LTF: variants seen among roughly 807,000 people sequenced by gnomAD.
LTF encodes the protein epididymis luminal protein 110.
LTF carries 91 observed loss-of-function variants against 87.2 expected under a neutral mutation model. The observed-to-expected ratio is 1.04, with a 90% CI of 0.88 to 1.24. The LOEUF (loss-of-function observed/expected upper bound fraction) is 1.24, where lower values mean the gene tolerates loss of function less well. Among genes scored for constraint, LTF ranks in the 50% most tolerant of loss-of-function variants. The probability of loss-of-function intolerance (pLI) is 0.00; values close to 1 mark genes in which losing one functional copy is unlikely to be tolerated. For synonymous variants in LTF, 378 were observed against 356.1 expected (o/e 1.06, Z -0.69); for missense variants, 901 against 904.3 (o/e 1.00, Z 0.05).
At chr3:46,479,637 C>T (rs1463583750) in intron 1 of LTF, among the ~76,000 whole-genome samples, 1 of 152,212 alleles carries the variant, frequency 6.6e-6, no homozygotes, top group Non-Finnish European at 1.5e-5. Context: ...GATTCTCCTG[C>T]CTCAGCCTCC....
At position 46,437,953 on chromosome 3, in the gene LTF, CTT is replaced by C; in HGVS notation, c.2083_2084del (p.Lys695ValfsTer11). 6.2e-7 allele frequency: 1 copy of C among 1,613,846 alleles called. No individual in the cohort carries two copies. The highest frequency in any genetic ancestry group is 8.5e-7 in the Non-Finnish European group (1 of 1,179,934). Reference sequence around the variant, plus strand: ...GGGTCTACTTACGGGAGGTTGAGCACTTTTTCAGATTAGTAATGCCTGCGACA... The same window carrying C: ...GGGTCTACTTACGGGAGGTTGAGCACTTTCAGATTAGTAATGCCTGCGACA... Reference protein sequence around the residue: ...QYVAGITNLKKCSTSPLLEAC... With the variant: ...QYVAGITNLKXCSTSPLLEAC... On this transcript the variant is annotated frameshift_variant, in exon 16 of 17. Transcript: ENST00000231751. LOFTEE classifies it high-confidence loss of function.
intron 1 of LTF, chr3:46,460,472 C>T: frequency 2.3e-6 from 1 of 436,480 alleles, no homozygotes; most frequent in South Asian, 1.6e-5. Flanking sequence ...GTTGAGCCTG[C>T]TTTTTTTGCT....
At chr3:46,442,556 G>C (rs1249845073) in intron 13 of LTF, among the ~76,000 whole-genome samples, 1 of 150,230 alleles carries the variant, frequency 6.7e-6, no homozygotes, top group Admixed American at 6.6e-5. Flanking sequence ...CATGTGTTCA[G>C]CATTTCTGAG....
rs776815826 is a variant in LTF at position 46,447,545 on chromosome 3, G to C, written c.1213-147C>G. On this transcript the variant is annotated intron_variant, in intron 9 of 16. Transcript: ENST00000231751. ...GACTATTCAAACTGAGCAGCCAGAG[G>C]AAACACCGTGTGCACCACTAATTCT... The C allele has an allele frequency of 7.1e-5, 47 of 659,100 alleles. 1 individual carries two copies. The highest frequency in any genetic ancestry group is 5.3e-4 in the Middle Eastern group (2 of 3,792). 40.8% of individuals were successfully genotyped at this position (659,100 alleles called of 1,614,324 possible).
chr3:46,472,527 TGAGAGAGAGA>T (rs374266932), intron 1 of LTF, among the ~76,000 whole-genome samples: 6 of 130,722 alleles, frequency 4.6e-5, no homozygotes, highest in Non-Finnish European at 6.5e-5. Flanking sequence ...TGTGTGTGTG[TGAGAGAGAGA>T]GAGAGAGAGA....
intron 1 of LTF, among the ~76,000 whole-genome samples, chr3:46,460,243 C>T (rs1165233902): frequency 2.0e-5 from 3 of 152,124 alleles, no homozygotes; most frequent in African/African-American, 7.2e-5. Flanking sequence ...CTGAGTGACT[C>T]GCCACTCAGC....
At chr3:46,453,295 C>T (rs1256468185) in intron 6 of LTF, among the ~76,000 whole-genome samples, 5 of 152,164 alleles carry the variant, frequency 3.3e-5, no homozygotes, top group South Asian at 2.1e-4. Context: ...AACCATCATT[C>T]GGACAAAAAG....
At position 46,445,470 on chromosome 3, in the gene LTF, A is replaced by G. The variant is rs150986443; in HGVS notation, c.1358-34T>C. On this transcript the variant is annotated intron_variant, in intron 11 of 16. Transcript: ENST00000231751. ...ACAGATGACAGAAAAACAAGTCTTA[A>G]CCTCCAGGAGGCCTGGCACATGGAT... 3.9e-5 allele frequency: 62 copies of G among 1,585,842 alleles called. No homozygotes were observed. In the African/African-American group the frequency reaches 7.1e-4, roughly 18 times the overall value.
chr3:46,448,656 G>T (rs1052862977), intron 9 of LTF, among the ~76,000 whole-genome samples: 17 of 152,266 alleles, frequency 1.1e-4, no homozygotes, highest in African/African-American at 4.1e-4. Flanking sequence ...ATCCTGAGTT[G>T]TTCTTATAAC....
rs767355295 is a variant in LTF, at chr3:46,437,930, G to T, written c.2098+10C>A. ...TGGTTTCTCGGGGATGCTAGCTAGGGTCTACTTACGGGAGGTTGAGCACTT... is the reference window on the plus strand; with the variant it reads ...TGGTTTCTCGGGGATGCTAGCTAGGTTCTACTTACGGGAGGTTGAGCACTT... On this transcript the variant is annotated intron_variant, in intron 16 of 16. Transcript: ENST00000231751. 1.2e-6 allele frequency: 2 copies of T among 1,611,686 alleles called. No individual in the cohort carries two copies. Among genetic ancestry groups the T allele is most frequent in the East Asian group, 2.2e-5 (1 of 44,834 alleles).
At position 46,479,766 on chromosome 3, in the gene LTF, G is replaced by T. The variant is rs1306626962; in HGVS notation, c.-320+5220C>A. Among the ~76,000 whole-genome samples, 3 of 152,174 alleles carry T rather than the reference G, an allele frequency of 2.0e-5. No individual in the cohort carries two copies. In the East Asian group the frequency reaches 5.8e-4, roughly 29 times the overall value. On this transcript the variant is annotated intron_variant, in intron 1 of 19. Transcript: ENST00000443496. ...TGGTCTCGAACTCCTGACTTCAAGTGATCTACCCACCTCAGCCTCCCAAAA... is the reference window on the plus strand; with the variant it reads ...TGGTCTCGAACTCCTGACTTCAAGTTATCTACCCACCTCAGCCTCCCAAAA...
At chr3:46,467,433 T>C (rs1703230007), upstream of LTF, among the ~76,000 whole-genome samples, 1 of 151,938 alleles carries the variant, frequency 6.6e-6, no homozygotes, top group South Asian at 2.1e-4. Context: ...GCACCCATCA[T>C]GAGGGCTCCA....
chr3:46,465,636 CCTT>C (rs1046654736), upstream of LTF, among the ~76,000 whole-genome samples: 15 of 151,520 alleles, frequency 9.9e-5, no homozygotes, highest in African/African-American at 3.6e-4. Context: ...TCCATCTCCT[CCTT>C]CTTCTTTTTT....
intron 16 of LTF, among the ~76,000 whole-genome samples, chr3:46,436,847 GATA>G (rs933029181): frequency 2.6e-5 from 4 of 152,214 alleles, no homozygotes; most frequent in African/African-American, 9.7e-5. Context: ...TTTGGGGCCT[GATA>G]ATAACCCTTT....
Position 46,445,453 on chromosome 3 carries a change from C to G in LTF, c.1358-17G>C, listed in dbSNP as rs1312335619. On this transcript the variant is annotated splice_polypyrimidine_tract_variant and intron_variant, in intron 11 of 16. Transcript: ENST00000231751. ...CAAGATATCCTGGCATAACAGATGACAGAAAAACAAGTCTTAACCTCCAGG... is the reference window on the plus strand; with the variant it reads ...CAAGATATCCTGGCATAACAGATGAGAGAAAAACAAGTCTTAACCTCCAGG... 5.0e-6 allele frequency: 8 copies of G among 1,603,776 alleles called. No homozygotes were observed. Among genetic ancestry groups the G allele is most frequent in the Non-Finnish European group, 6.8e-6 (8 of 1,174,104 alleles).
intron 1 of LTF, chr3:46,463,739 A>C: frequency 1.3e-6 from 1 of 755,172 alleles, no homozygotes; most frequent in South Asian, 6.0e-5. Context: ...GGTGGCCCTA[A>C]CCCTGTGCAA....
intron 11 of LTF, 27 bp from the exon 12 acceptor site, chr3:46,445,463 A>G: frequency 6.3e-7 from 1 of 1,594,650 alleles, no homozygotes; most frequent in Non-Finnish European, 8.6e-7. Context: ...CAGAAAAACA[A>G]GTCTTAACCT....
chr3:46,450,804 G>T (rs1019581678), intron 6 of LTF, 131 bp from the exon 7 acceptor site: 24 of 741,790 alleles, frequency 3.2e-5, no homozygotes, highest in Non-Finnish European at 4.8e-5. Flanking sequence ...GGTCAGAAAG[G>T]CAGGGGTTTG....
chr3:46,472,047 G>T (rs1251873910), intron 1 of LTF, among the ~76,000 whole-genome samples: 1 of 152,054 alleles, frequency 6.6e-6, no homozygotes, highest in Non-Finnish European at 1.5e-5. Flanking sequence ...CGCTCTTTCT[G>T]GGCATAAGTC....
Sources: gnomAD v4.1 joint callset for allele counts (sites outside exome capture counted in the v4.1 genomes callset) on GRCh38, gnomAD v4.1.1 for gene constraint, MANE v1.5 for transcripts, NCBI Gene and HGNC (gene_info 2026-07-23, HGNC 2026-07-21) for gene names.